The following NLRP11 variants were observed in gnomAD, a reference collection of about 807,000 sequenced individuals.
The protein encoded by NLRP11 is NACHT, LRR and PYD domains-containing protein 11.
NLRP11 carries 53 observed loss-of-function variants against 79.3 expected under a neutral mutation model. That is an observed-to-expected ratio of 0.67 (90% CI 0.54 to 0.84). The LOEUF is 0.84. Among genes scored for constraint, NLRP11 ranks in the 40% least tolerant of loss-of-function variants. The pLI is 0.00. For synonymous variants in NLRP11, 518 were observed against 462.6 expected (o/e 1.12, Z -1.54); for missense variants, 1,264 against 1,255.0 (o/e 1.01, Z -0.11).
At chr19:55,800,224 G>A (rs1194027021) in intron 5 of NLRP11, among the ~76,000 whole-genome samples, 4 of 152,306 alleles carry the variant, frequency 2.6e-5, no homozygotes, top group East Asian at 1.9e-4. Context: ...AGCAAGTAGA[G>A]CTACTGAGCA....
At chr19:55,829,103 A>T (rs923276031) in intron 1 of NLRP11, among the ~76,000 whole-genome samples, 8 of 152,168 alleles carry the variant, frequency 5.3e-5, no homozygotes, top group Non-Finnish European at 1.0e-4. Context: ...TGGTCAGATG[A>T]GGGTATGAAA....
Position 55,807,842 on chromosome 19 carries a change from A to G in NLRP11, c.2003+11T>C, listed in dbSNP as rs983773690. The G allele has an allele frequency of 1.3e-6, 2 of 1,590,146 alleles. No individual in the cohort carries two copies. Among genetic ancestry groups the G allele is most frequent in the Non-Finnish European group, 1.7e-6 (2 of 1,162,534 alleles). On this transcript the variant is annotated intron_variant, in intron 4 of 9. Transcript: ENST00000589093. ...GGGAACCTCTAAGGCAGAGGTTGAT[A>G]TAGTACTTACTTGAGTGTGCGAAGT...
intron 4 of NLRP11, among the ~76,000 whole-genome samples, chr19:55,806,746 A>C (rs1980034578): frequency 1.3e-5 from 2 of 152,210 alleles, no homozygotes; most frequent in South Asian, 4.1e-4. Context: ...ACACTGGTTT[A>C]CAACACCATG....
At chr19:55,792,321 G>A (rs1284090699) in exon 7 of NLRP11, 2 of 1,614,018 alleles carry the variant, frequency 1.2e-6, no homozygotes, top group South Asian at 2.2e-5. Flanking sequence ...CTAACTGACA[G>A]GTTGGAAACA....
exon 5 of NLRP11, chr19:55,801,644 G>T: frequency 6.2e-7 from 1 of 1,613,970 alleles, no homozygotes; most frequent in African/African-American, 1.3e-5. Flanking sequence ...TAGGGAAATG[G>T]ACGTACAGTT....
chr19:55,789,293 C>T, exon 8 of NLRP11: 1 of 1,614,220 alleles, frequency 6.2e-7, no homozygotes, highest in Non-Finnish European at 8.5e-7. Context: ...ATTCCTGCAT[C>T]TTCTATTTTG....
At chr19:55,833,191 T>G (rs1982945832), upstream of NLRP11, among the ~76,000 whole-genome samples, 1 of 152,224 alleles carries the variant, frequency 6.6e-6, no homozygotes, top group Admixed American at 6.5e-5. Context: ...TATTGCCATA[T>G]ACAAAATCCT....
At chr19:55,808,635 T>C (rs1980243259) in intron 3 of NLRP11, 134 bp downstream of exon 3, 1 of 783,744 alleles carries the variant, frequency 1.3e-6, no homozygotes, top group Non-Finnish European at 2.1e-6. Context: ...TTTAAGTCAC[T>C]GGTCTAATTA....
At chr19:55,787,039 C>T (rs962727776) in intron 9 of NLRP11, among the ~76,000 whole-genome samples, 5 of 152,204 alleles carry the variant, frequency 3.3e-5, no homozygotes, top group African/African-American at 1.2e-4. Flanking sequence ...AGATAATTAT[C>T]ACCATTTTCC....
At chr19:55,810,663 A>T (rs1980520191) in intron 2 of NLRP11, among the ~76,000 whole-genome samples, 2 of 151,990 alleles carry the variant, frequency 1.3e-5, no homozygotes, top group South Asian at 4.1e-4. Flanking sequence ...CACCTGGCTA[A>T]TTTTTTGTAT....
chr19:55,832,769 A>C (rs1982914228), upstream of NLRP11: 1 of 152,206 alleles, frequency 6.6e-6, no homozygotes, highest in Non-Finnish European at 1.5e-5. Flanking sequence ...AAAGGGTTCC[A>C]AAAAAGCAAG....
At chr19:55,802,427 C>T (rs1216959725) in intron 4 of NLRP11, among the ~76,000 whole-genome samples, 1 of 152,122 alleles carries the variant, frequency 6.6e-6, no homozygotes, top group Non-Finnish European at 1.5e-5. Flanking sequence ...TCCACAATTG[C>T]TCACAAAGAA....
chr19:55,831,736 C>A (rs1439661154), intron 1 of NLRP11, among the ~76,000 whole-genome samples: 1 of 141,288 alleles, frequency 7.1e-6, no homozygotes, highest in Non-Finnish European at 1.5e-5. Context: ...TTTTATCTGT[C>A]AACTTAAATA....
At chr19:55,808,071 TAA>T in intron 3 of NLRP11, 57 bp from the exon 4 acceptor site, 1 of 1,160,222 alleles carries the variant, frequency 8.6e-7, no homozygotes. Context: ...CAGCAATTTG[TAA>T]AACATGTAAA....
At chr19:55,789,998 G>A (rs1196629287) in intron 7 of NLRP11, among the ~76,000 whole-genome samples, 5 of 151,984 alleles carry the variant, frequency 3.3e-5, no homozygotes, top group South Asian at 2.1e-4. Flanking sequence ...GTTGATTCTC[G>A]AGCACAGTTG....
intron 4 of NLRP11, among the ~76,000 whole-genome samples, chr19:55,803,761 C>T (rs1979712581): frequency 6.6e-6 from 1 of 152,116 alleles, no homozygotes; most frequent in Non-Finnish European, 1.5e-5. Flanking sequence ...CATCTTACAC[C>T]AGTCAGAATG....
chr19:55,812,648 T>C (rs1980716522), intron 2 of NLRP11, among the ~76,000 whole-genome samples: 2 of 152,160 alleles, frequency 1.3e-5, no homozygotes, highest in Admixed American at 6.5e-5. Flanking sequence ...TGTGTGGGGC[T>C]GTCAATTAGA....
At chr19:55,805,591 G>A (rs1662607080) in intron 4 of NLRP11, among the ~76,000 whole-genome samples, 1 of 151,750 alleles carries the variant, frequency 6.6e-6, no homozygotes, top group Non-Finnish European at 1.5e-5. Context: ...CCAGGCTGGA[G>A]TGCAGTGCCA....
In NLRP11 at chr19:55,785,883, CAGAG is replaced by C. The variant is rs751788635; in HGVS notation, c.2856-16_2856-13del. ...CAGTTAATGGAAGCCTGAAGGAAAA[CAGAG>C]AGAGAACGCCGTTAATGCTACATGT... is the stretch of plus-strand genomic sequence containing the variant. On this transcript the variant is annotated splice_polypyrimidine_tract_variant and intron_variant, in intron 9 of 9. Transcript: ENST00000589093. The C allele has an allele frequency of 1.2e-6, 2 of 1,608,798 alleles. No homozygotes were observed. Among genetic ancestry groups the C allele is most frequent in the Non-Finnish European group, 1.7e-6 (2 of 1,178,012 alleles).
Sources: gnomAD v4.1 joint callset for allele counts (sites outside exome capture counted in the v4.1 genomes callset) on GRCh38, gnomAD v4.1.1 for gene constraint, MANE v1.5 for transcripts, NCBI Gene and HGNC (gene_info 2026-07-23, HGNC 2026-07-21) for gene names.